LRRC4C: variants seen among roughly 807,000 people sequenced by gnomAD.
LRRC4C encodes leucine rich repeat containing 4C, also known as leucine-rich repeat-containing protein 4C.
In LRRC4C, 5 loss-of-function variants were observed where a neutral mutation model predicts 33.6. The ratio of observed to expected loss-of-function variants is 0.15; its 90% CI spans 0.08 to 0.31. The LOEUF is 0.31. LRRC4C is among the 10% of genes least tolerant of loss of function. The probability of loss-of-function intolerance (pLI) is 1.00; values close to 1 mark genes in which losing one functional copy is unlikely to be tolerated. For missense variants in LRRC4C, 560 were observed against 796.7 expected, an observed-to-expected ratio of 0.70 and a Z score of 3.58; for synonymous variants, 329 against 302.0, an observed-to-expected ratio of 1.09 and a Z score of -0.93.
intron 2 of LRRC4C, among the ~76,000 whole-genome samples, chr11:40,665,301 G>T (rs1426512093): frequency 4.8e-5 from 3 of 63,146 alleles, no homozygotes; most frequent in Middle Eastern, 0.014. Flanking sequence ...TGGGGTCATT[G>T]CTTTCTTAAA....
intron 3 of LRRC4C, among the ~76,000 whole-genome samples, chr11:40,405,608 C>CAAA (rs71060958): frequency 4.2e-5 from 3 of 70,830 alleles, no homozygotes; most frequent in East Asian, 8.4e-4. Context: ...ACACTCTATC[C>CAAA]AAAAAAAAAA....
chr11:40,256,581 A>G (rs1252273168), intron 4 of LRRC4C, among the ~76,000 whole-genome samples: 1 of 152,196 alleles, frequency 6.6e-6, no homozygotes, highest in African/African-American at 2.4e-5. Context: ...TGAACCAATA[A>G]ATAAATGAAC....
chr11:41,419,680 T>G (rs1228922080), intron 1 of LRRC4C, among the ~76,000 whole-genome samples: 1 of 152,020 alleles, frequency 6.6e-6, no homozygotes, highest in Non-Finnish European at 1.5e-5. Flanking sequence ...TACTTTATAC[T>G]GTATTTATTA....
chr11:41,425,501 A>G (rs576629186), intron 1 of LRRC4C, among the ~76,000 whole-genome samples: 2 of 152,244 alleles, frequency 1.3e-5, no homozygotes, highest in Admixed American at 1.3e-4. Context: ...TTGGTTGCCA[A>G]TGAGTTCTAG....
intron 3 of LRRC4C, among the ~76,000 whole-genome samples, chr11:40,510,684 C>A (rs1955269529): frequency 6.6e-6 from 1 of 152,146 alleles, no homozygotes; most frequent in Non-Finnish European, 1.5e-5. Flanking sequence ...AATAGCAACT[C>A]ACAATGTGAG....
At chr11:40,889,882 AAATG>A (rs1396863502) in intron 2 of LRRC4C, among the ~76,000 whole-genome samples, 1 of 152,274 alleles carries the variant, frequency 6.6e-6, no homozygotes, top group Non-Finnish European at 1.5e-5. Context: ...TTAAATGAGA[AAATG>A]AATGTAGTGT....
At chr11:40,765,078 G>A (rs1055422021) in intron 2 of LRRC4C, among the ~76,000 whole-genome samples, 3 of 152,060 alleles carry the variant, frequency 2.0e-5, no homozygotes, top group East Asian at 1.9e-4. Context: ...ACACGACTTC[G>A]CCAAACAAAC....
intron 1 of LRRC4C, among the ~76,000 whole-genome samples, chr11:41,409,092 C>CCT (rs1264437206): frequency 6.6e-6 from 1 of 152,172 alleles, no homozygotes; most frequent in African/African-American, 2.4e-5. Flanking sequence ...ACCCTCTTGG[C>CCT]CTCTCTTTGG....
intron 2 of LRRC4C, among the ~76,000 whole-genome samples, chr11:40,861,486 G>A (rs1309802231): frequency 6.6e-6 from 1 of 152,176 alleles, no homozygotes; most frequent in Non-Finnish European, 1.5e-5. Flanking sequence ...CATTATGGAT[G>A]AGGTTTATGG....
At chr11:41,272,519 A>C (rs772356483) in intron 1 of LRRC4C, among the ~76,000 whole-genome samples, 8 of 152,178 alleles carry the variant, frequency 5.3e-5, no homozygotes, top group Non-Finnish European at 1.0e-4. Context: ...GTTATATTTA[A>C]GATGAATTGA....
chr11:40,435,092 AGGATAAAAATATCTG>A (rs1414322830), intron 3 of LRRC4C, among the ~76,000 whole-genome samples: 11 of 152,222 alleles, frequency 7.2e-5, no homozygotes, highest in African/African-American at 2.7e-4. Flanking sequence ...GGGTAGGAGT[AGGATAAAAATATCTG>A]GGACACCACC....
At chr11:40,971,150 G>A (rs988747623) in intron 1 of LRRC4C, among the ~76,000 whole-genome samples, 4 of 152,186 alleles carry the variant, frequency 2.6e-5, no homozygotes, top group Admixed American at 2.0e-4. Context: ...AAGTAAAGAG[G>A]AGCCAAATGC....
At chr11:40,736,380 G>A (rs1185482760) in intron 2 of LRRC4C, among the ~76,000 whole-genome samples, 1 of 152,054 alleles carries the variant, frequency 6.6e-6, no homozygotes, top group Non-Finnish European at 1.5e-5. Flanking sequence ...TCCATGGTGT[G>A]TACGAGCCAC....
At chr11:40,813,827 G>T (rs1281532382) in intron 2 of LRRC4C, among the ~76,000 whole-genome samples, 1 of 152,082 alleles carries the variant, frequency 6.6e-6, no homozygotes, top group Non-Finnish European at 1.5e-5. Context: ...AAATCAAATA[G>T]GACAGTCATT....
intron 6 of LRRC4C, among the ~76,000 whole-genome samples, chr11:40,120,469 G>A (rs1300593495): frequency 6.6e-6 from 1 of 152,138 alleles, no homozygotes; most frequent in Non-Finnish European, 1.5e-5. Context: ...GTGATTTAGT[G>A]TAGTTTTACA....
intron 3 of LRRC4C, among the ~76,000 whole-genome samples, chr11:40,569,818 CATA>C (rs1957911309): frequency 6.6e-6 from 1 of 151,826 alleles, no homozygotes; most frequent in Admixed American, 6.6e-5. Context: ...ATAAAATATT[CATA>C]ATAATTTGTG....
At chr11:40,803,863 A>G (rs1258584307) in intron 2 of LRRC4C, among the ~76,000 whole-genome samples, 1 of 152,212 alleles carries the variant, frequency 6.6e-6, no homozygotes, top group Non-Finnish European at 1.5e-5. Flanking sequence ...TAATAATCAC[A>G]TAATGGAGAA....
At chr11:41,065,145 G>A (rs1189253053) in intron 1 of LRRC4C, among the ~76,000 whole-genome samples, 1 of 152,168 alleles carries the variant, frequency 6.6e-6, no homozygotes, top group East Asian at 1.9e-4. Context: ...CAGAAAGCTA[G>A]GAACCACTGG....
At position 40,967,369 on chromosome 11, in the gene LRRC4C, A is replaced by G. The variant is rs546794154; in HGVS notation, c.-495-33646T>C. ...AACACTTCCCCAAAGCCATAAGCAT[A>G]CTTGTATCTTTCATTTTTGTTTACT... On this transcript the variant is annotated intron_variant, in intron 1 of 6. Coordinates refer to ENST00000528697, the MANE Select transcript of LRRC4C (RefSeq NM_001258419.2). Among the ~76,000 whole-genome samples, 27 of 152,174 alleles carry G rather than the reference A, an allele frequency of 1.8e-4. No individual in the cohort carries two copies. In the South Asian group the frequency reaches 5.4e-3, roughly 30 times the overall value.
Sources: gnomAD v4.1 joint callset for allele counts (sites outside exome capture counted in the v4.1 genomes callset) on GRCh38, gnomAD v4.1.1 for gene constraint, MANE v1.5 for transcripts, NCBI Gene and HGNC (gene_info 2026-07-23, HGNC 2026-07-21) for gene names.